The following MMS22L variants were observed in gnomAD, a reference collection of about 807,000 sequenced individuals.
The protein encoded by MMS22L is protein MMS22-like.
A neutral mutation model predicts 159.1 loss-of-function variants in MMS22L; 74 were observed. That is an observed-to-expected ratio of 0.47 (90% CI 0.39 to 0.56). The LOEUF is 0.56. Ranked by LOEUF, MMS22L falls within the 20% of genes least tolerant of loss-of-function variation. The pLI, the probability that MMS22L is intolerant of heterozygous loss-of-function variation, is 0.00. For missense variants in MMS22L, 1,351 were observed against 1,422.1 expected (o/e 0.95, Z 0.80); for synonymous variants, 517 against 506.9 (o/e 1.02, Z -0.27).
At chr6:97,252,114 T>A (rs1396474388) in intron 10 of MMS22L, among the ~76,000 whole-genome samples, 1 of 151,344 alleles carries the variant, frequency 6.6e-6, no homozygotes, top group African/African-American at 2.4e-5. Context: ...GAAGAGTGAC[T>A]TCAGCACTGC....
intron 14 of MMS22L, among the ~76,000 whole-genome samples, chr6:97,217,617 T>A (rs1809162312): frequency 1.3e-5 from 2 of 152,194 alleles, no homozygotes; most frequent in African/African-American, 4.8e-5. Context: ...TATTAGGAAC[T>A]GGGGTTAAAT....
chr6:97,223,179 T>C (rs1290592316), intron 14 of MMS22L, among the ~76,000 whole-genome samples: 2 of 152,094 alleles, frequency 1.3e-5, no homozygotes, highest in African/African-American at 4.8e-5. Flanking sequence ...TTCTCTTTAA[T>C]CAGTGATCAT....
Position 97,229,072 on chromosome 6 carries a change from A to C in MMS22L, c.1861T>G (p.Trp621Gly). ...TCAATGTATATGGAAAGAAGGGTCC[A>C]GATAGTCTGTCTCTGTACCATTTCC... is the stretch of plus-strand genomic sequence containing the variant. The part of the protein sequence containing the change: ...NEEMVQRQTI[W>G]TLLSIYIDGV... The change falls in exon 14 of 25, where the codon TGG becomes GGG. Residue 621 changes from tryptophan to glycine, a missense_variant. Trp to Gly is a radical substitution (Grantham distance 184). Coordinates refer to ENST00000683635, the MANE Select transcript of MMS22L (RefSeq NM_001350599.2). 6.2e-7 allele frequency: 1 copy of C among 1,614,194 alleles called. No homozygotes were observed. Among genetic ancestry groups the C allele is most frequent in the Non-Finnish European group, 8.5e-7 (1 of 1,180,010 alleles).
At chr6:97,270,237 C>A in intron 6 of MMS22L, 1 of 599,014 alleles carries the variant, frequency 1.7e-6, no homozygotes, top group Middle Eastern at 2.7e-4. Flanking sequence ...GCTGAATAGA[C>A]TTGTATAGTA....
chr6:97,273,354 C>T (rs1366400230), intron 4 of MMS22L, among the ~76,000 whole-genome samples: 1 of 152,114 alleles, frequency 6.6e-6, no homozygotes, highest in Non-Finnish European at 1.5e-5. Context: ...CTTCTTTCTT[C>T]CTCATGTATC....
At position 97,168,185 on chromosome 6, in the gene MMS22L, T is replaced by C; in HGVS notation, c.2895A>G (p.Leu965=). 6.2e-7 allele frequency: 1 copy of C among 1,613,252 alleles called. No homozygotes were observed. Among genetic ancestry groups the C allele is most frequent in the Non-Finnish European group, 8.5e-7 (1 of 1,179,446 alleles). Residue 965 remains leucine (L), a synonymous_variant, in exon 20 of 25, where the codon TTA becomes TTG. Coordinates refer to ENST00000683635, the MANE Select transcript of MMS22L (RefSeq NM_001350599.2). The stretch of plus-strand genomic sequence containing the variant: ...GTAAACAATCTATGATCCGGAATAG[T>C]AATTTTTGGGCTTTAGAAGTGGCAA... ...QIFATSKAQK[L]LFRIIDCLLL...
chr6:97,220,449 A>G (rs1413456834), intron 14 of MMS22L, among the ~76,000 whole-genome samples: 1 of 152,164 alleles, frequency 6.6e-6, no homozygotes, highest in Non-Finnish European at 1.5e-5. Context: ...AATAAATTGT[A>G]TGGTGTGTGA....
intron 18 of MMS22L, among the ~76,000 whole-genome samples, chr6:97,174,213 A>G (rs1330090141): frequency 6.6e-6 from 1 of 151,430 alleles, no homozygotes; most frequent in African/African-American, 2.4e-5. Context: ...AGATCGCACC[A>G]CTGTACTCCA....
chr6:97,195,707 T>A (rs980110024), intron 14 of MMS22L, among the ~76,000 whole-genome samples: 4 of 152,152 alleles, frequency 2.6e-5, no homozygotes, highest in African/African-American at 9.7e-5. Flanking sequence ...ACTGAAGGAT[T>A]CTGAACTGGA....
chr6:97,183,310 T>G (rs138048389), intron 15 of MMS22L, among the ~76,000 whole-genome samples: 3 of 152,254 alleles, frequency 2.0e-5, no homozygotes, highest in Non-Finnish European at 4.4e-5. Context: ...TACTCATTCA[T>G]TTATACTACC....
Position 97,143,964 on chromosome 6 carries a change from TC to T in MMS22L, c.*2841del, listed in dbSNP as rs1249781804. 11 of 151,968 alleles carry T rather than the reference TC, an allele frequency of 7.2e-5. No homozygotes were observed. Among genetic ancestry groups the T allele is most frequent in the African/African-American group, 2.7e-4 (11 of 41,382 alleles). 9.4% of individuals were successfully genotyped at this position (151,968 alleles called of 1,614,324 possible). A position where few individuals can be genotyped will look rare whatever the true frequency, so the allele number is the denominator to read the frequency against. ...CGGGCGTGGTGGCGGGCACCTGTAG[TC>T]CCAGCTACTTGGGAGGCTGAGGCAG... On this transcript the variant is annotated 3_prime_UTR_variant, in exon 25 of 25. Transcript: ENST00000683635.
chr6:97,266,206 GCA>G (rs1582843895), intron 8 of MMS22L: 2 of 152,250 alleles, frequency 1.3e-5, no homozygotes, highest in Admixed American at 6.5e-5. Context: ...GAAAACCCTT[GCA>G]CAGTTTGGTG....
chr6:97,152,671 TAGAG>T (rs1488959501), intron 22 of MMS22L, among the ~76,000 whole-genome samples: 5 of 152,086 alleles, frequency 3.3e-5, no homozygotes, highest in Non-Finnish European at 5.9e-5. Context: ...TATTAGGTAG[TAGAG>T]AATGTTTTCC....
At chr6:97,274,795 T>C (rs946694390) in intron 4 of MMS22L, among the ~76,000 whole-genome samples, 3 of 152,064 alleles carry the variant, frequency 2.0e-5, no homozygotes, top group African/African-American at 7.2e-5. Flanking sequence ...TGTTCAAGCA[T>C]GAAAAATATT....
intron 14 of MMS22L, among the ~76,000 whole-genome samples, chr6:97,217,420 AT>A (rs1258586799): frequency 6.6e-6 from 1 of 151,630 alleles, no homozygotes; most frequent in Non-Finnish European, 1.5e-5. Flanking sequence ...CGCCCAGCTA[AT>A]TTTTTGTATT....
rs759577412 is a variant in MMS22L, at chr6:97,144,116, A to G, written c.*2690T>C. ...AACAACAACAACAACAAAAAAAAAA[A>G]AAAAAAAAAAAAGAGAGAGAAAAGC... On this transcript the variant is annotated 3_prime_UTR_variant, in exon 25 of 25. Transcript: ENST00000683635. 2.8e-5 allele frequency: 4 copies of G among 144,634 alleles called. No homozygotes were observed. Among genetic ancestry groups the G allele is most frequent in the Non-Finnish European group, 6.0e-5 (4 of 67,082 alleles). The allele number at this position is 144,634 out of a possible 1,614,324, so 9.0% of individuals were successfully genotyped here. A position where few individuals can be genotyped will look rare whatever the true frequency, so the allele number is the denominator to read the frequency against.
chr6:97,182,460 C>T (rs1804812949), intron 15 of MMS22L, among the ~76,000 whole-genome samples: 1 of 152,146 alleles, frequency 6.6e-6, no homozygotes, highest in Admixed American at 6.5e-5. Flanking sequence ...AGTTCCTTCT[C>T]ACCTTAGACA....
chr6:97,190,499 C>T (rs1210651), intron 14 of MMS22L, among the ~76,000 whole-genome samples: 67,908 of 151,876 alleles, frequency 0.45, 15,333 homozygotes, highest in South Asian at 0.53. Context: ...ATAAAAGATA[C>T]AATACAGTAT....
chr6:97,194,670 G>C (rs1051125878), intron 14 of MMS22L, among the ~76,000 whole-genome samples: 39 of 152,140 alleles, frequency 2.6e-4, no homozygotes, highest in African/African-American at 9.4e-4. Flanking sequence ...TGTCATGGAG[G>C]AGGATTGAAA....
Sources: gnomAD v4.1 joint callset for allele counts (sites outside exome capture counted in the v4.1 genomes callset) on GRCh38, gnomAD v4.1.1 for gene constraint, MANE v1.5 for transcripts, NCBI Gene and HGNC (gene_info 2026-07-23, HGNC 2026-07-21) for gene names.